The following UNC13B variants were observed in gnomAD, a reference collection of about 807,000 sequenced individuals.
The protein encoded by UNC13B is protein unc-13 homolog B.
A neutral mutation model predicts 211.0 loss-of-function variants in UNC13B; 144 were observed. The ratio of observed to expected loss-of-function variants is 0.68; its 90% confidence interval spans 0.60 to 0.78. The LOEUF (loss-of-function observed/expected upper bound fraction) is 0.78. Ranked by LOEUF, UNC13B falls within the 30% of genes least tolerant of loss-of-function variation. UNC13B has a pLI of 0.00. For synonymous variants in UNC13B, 709 were observed against 725.8 expected (o/e 0.98, Z 0.37); for missense variants, 1,777 against 2,002.0 (o/e 0.89, Z 2.14).
At chr9:35,313,377 C>T (rs1830278890) in intron 10 of UNC13B, among the ~76,000 whole-genome samples, 2 of 152,114 alleles carry the variant, frequency 1.3e-5, no homozygotes, top group Non-Finnish European at 2.9e-5. Context: ...GTAATCCCAG[C>T]ACTTTGGGAG....
At chr9:35,247,819 T>C (rs1467479009) in intron 6 of UNC13B, among the ~76,000 whole-genome samples, 1 of 152,204 alleles carries the variant, frequency 6.6e-6, no homozygotes, top group Non-Finnish European at 1.5e-5. Flanking sequence ...AATTCTCTCT[T>C]TTTGTTGTGT....
Position 35,340,952 on chromosome 9 carries a change from G to C in UNC13B, c.9415-25995G>C, listed in dbSNP as rs574203070. The stretch of plus-strand genomic sequence containing the variant: ...CAACTTGAGTGTTCTTTGAAGATAA[G>C]GACATTCAATTTCCCAGTGAGTCCT... On this transcript the variant is annotated intron_variant, in intron 11 of 39. Coordinates refer to ENST00000635942, the MANE Select transcript of UNC13B (RefSeq NM_001371189.2). 2.9e-4 allele frequency among the ~76,000 whole-genome samples: 44 copies of C among 152,264 alleles called. 1 individual carries two copies. The South Asian group carries it at 6.6e-3, about 23-fold the overall frequency.
At position 35,403,761 on chromosome 9, in the gene UNC13B, G is replaced by A. The variant is rs779790361; in HGVS notation, c.12751G>A (p.Glu4251Lys). 5.6e-5 allele frequency: 91 copies of A among 1,614,022 alleles called. No homozygotes were observed. In the Middle Eastern group the frequency reaches 1.3e-3, roughly 23 times the overall value. The change falls in exon 40 of 40, where the codon GAG becomes AAG. Residue 4251 changes from glutamate to lysine, a missense_variant. By Grantham distance (56) the Glu-to-Lys change is moderately conservative. Transcript: ENST00000635942. The part of the protein sequence containing the change: ...NETFHFLLGN[E>K]EGPESYELQI... ...TTGTGCTCACAGCCTCCTGGGAAATGAGGAGGGGCCCGAGTCCTATGAGTT... is the reference window on the plus strand; with the variant it reads ...TTGTGCTCACAGCCTCCTGGGAAATAAGGAGGGGCCCGAGTCCTATGAGTT...
intron 37 of UNC13B, among the ~76,000 whole-genome samples, chr9:35,402,499 G>A (rs766639190): frequency 1.3e-5 from 2 of 151,918 alleles, no homozygotes; most frequent in Non-Finnish European, 2.9e-5. Flanking sequence ...AGCCAGGATG[G>A]TCTCAATCTC....
At chr9:35,330,153 G>A (rs1293292259) in intron 11 of UNC13B, among the ~76,000 whole-genome samples, 3 of 152,208 alleles carry the variant, frequency 2.0e-5, no homozygotes, top group Non-Finnish European at 4.4e-5. Flanking sequence ...TAGGGATAGC[G>A]ACTTGTTCTC....
intron 11 of UNC13B, among the ~76,000 whole-genome samples, chr9:35,348,418 CCTT>C (rs1274844959): frequency 6.6e-6 from 1 of 152,210 alleles, no homozygotes; most frequent in African/African-American, 2.4e-5. Context: ...ATTTACTCCT[CCTT>C]CTCCTTACCT....
At chr9:35,244,716 T>G (rs551557477) in intron 6 of UNC13B, among the ~76,000 whole-genome samples, 1 of 152,310 alleles carries the variant, frequency 6.6e-6, no homozygotes, top group South Asian at 2.1e-4. Flanking sequence ...CCATTTTTCT[T>G]GTAAGAACAA....
chr9:35,398,631 G>A lies in UNC13B; in HGVS notation c.11910G>A (p.Val3970=), dbSNP rs1230485532. 1 of 1,613,886 alleles carries A rather than the reference G, an allele frequency of 6.2e-7. No individual in the cohort carries two copies. The highest frequency in any genetic ancestry group is 2.2e-5 in the East Asian group (1 of 44,894). Residue 3970 remains valine (V), a synonymous_variant, in exon 32 of 40, where the codon GTG becomes GTA. Coordinates refer to ENST00000635942, the MANE Select transcript of UNC13B (RefSeq NM_001371189.2). The part of the protein sequence containing the change: ...LNTVLDELSM[V]FGNSFQVRID... ...CGGTTCTGGATGAGCTCAGCATGGT[G>A]TTTGGAAACAGGTCAGTGACCCCAC...
chr9:35,353,795 G>A, intron 11 of UNC13B: 1 of 1,231,936 alleles, frequency 8.1e-7, no homozygotes, highest in Non-Finnish European at 1.0e-6. Context: ...TCTCTCAGTA[G>A]AAGACATACA....
chr9:35,162,092 C>A lies in UNC13B; in HGVS notation c.-192C>A, dbSNP rs1012299508. 6 of 812,572 alleles carry A rather than the reference C, an allele frequency of 7.4e-6. No homozygotes were observed. In the African/African-American group the frequency reaches 8.8e-5, roughly 12 times the overall value. The allele number at this position is 812,572 out of a possible 1,614,324, so 50.3% of individuals were successfully genotyped here. ...CCTGCCGGCCGGTACTCACCGCTAC[C>A]CGGAGTTCGCTCAGACGGTGAGATT... On this transcript the variant is annotated 5_prime_UTR_variant, in exon 1 of 40. Coordinates refer to ENST00000635942, the MANE Select transcript of UNC13B (RefSeq NM_001371189.2).
chr9:35,388,566 T>C (rs1231012578), intron 24 of UNC13B, among the ~76,000 whole-genome samples: 1 of 152,226 alleles, frequency 6.6e-6, no homozygotes, highest in East Asian at 1.9e-4. Context: ...TGCCCTTCAC[T>C]CTCCTCATCT....
chr9:35,201,833 T>G (rs1485176277), intron 1 of UNC13B, among the ~76,000 whole-genome samples: 1 of 152,192 alleles, frequency 6.6e-6, no homozygotes, highest in Non-Finnish European at 1.5e-5. Context: ...TGTGTCTCTA[T>G]CTCCTTCAGT....
chr9:35,322,775 A>G (rs1005055472), intron 11 of UNC13B, among the ~76,000 whole-genome samples: 3 of 152,004 alleles, frequency 2.0e-5, no homozygotes, highest in Non-Finnish European at 2.9e-5. Context: ...GCACCAGGGA[A>G]ATACTCTTTC....
Position 35,386,245 on chromosome 9 carries a change from A to G in UNC13B, c.11046A>G (p.Glu3682=). The G allele has an allele frequency of 6.2e-7, 1 of 1,614,126 alleles. No individual in the cohort carries two copies. ...CVKACLNSTY[E]YIFNNCHDLY... ...AGGCCTGTTTGAACTCCACATATGA[A>G]TATATCTTCAACAACTGCCACGACT... Residue 3682 remains glutamate, a synonymous_variant, in exon 24 of 40, where the codon GAA becomes GAG. Transcript: ENST00000635942.
chr9:35,314,598 A>G (rs1830350517), intron 11 of UNC13B, among the ~76,000 whole-genome samples: 1 of 152,002 alleles, frequency 6.6e-6, no homozygotes, highest in African/African-American at 2.4e-5. Flanking sequence ...TGATACATGG[A>G]TATGTTGCAT....
At chr9:35,389,594 A>C (rs1835398834) in intron 24 of UNC13B, among the ~76,000 whole-genome samples, 1 of 152,106 alleles carries the variant, frequency 6.6e-6, no homozygotes, top group Non-Finnish European at 1.5e-5. Flanking sequence ...GGGCATCCTT[A>C]TGTCTCTTGG....
At chr9:35,379,733 G>A (rs1834691310) in intron 17 of UNC13B, among the ~76,000 whole-genome samples, 1 of 152,114 alleles carries the variant, frequency 6.6e-6, no homozygotes, top group African/African-American at 2.4e-5. Flanking sequence ...TTGTTGATTT[G>A]TCTATTATCT....
chr9:35,294,789 A>AC lies in UNC13B; in HGVS notation c.527-907_527-906insC, dbSNP rs1242505510. On this transcript the variant is annotated intron_variant, in intron 7 of 39. Coordinates refer to ENST00000635942, the MANE Select transcript of UNC13B (RefSeq NM_001371189.2). ...GTGTCAGATACGACTTCCTCTCTGT[A>AC]AAACAGGCTTCAAAGCACTCTTAGG... Among the ~76,000 whole-genome samples, 2 of 152,200 alleles carry AC rather than the reference A, an allele frequency of 1.3e-5. 1 individual carries two copies. The highest frequency in any genetic ancestry group is 4.8e-5 in the African/African-American group (2 of 41,440).
rs1829876962 is a variant in UNC13B, at chr9:35,305,414, G to A, written c.6010G>A (p.Val2004Ile). Residue 2004 changes from valine (V) to isoleucine (I), a missense_variant, in exon 9 of 40, where the codon GTT becomes ATT. Physicochemically the swap from Val to Ile is conservative, Grantham distance 29 (BLOSUM62 3). Transcript: ENST00000635942. ...SPIQTTENTS[V>I]SSMTIKDEVR... ...TATACAGACAACTGAAAATACGTCT[G>A]TTTCTTCAATGACTATTAAGGATGA... 2.5e-6 allele frequency: 1 copy of A among 398,852 alleles called. No individual in the cohort carries two copies. Among genetic ancestry groups the A allele is most frequent in the South Asian group, 1.3e-4 (1 of 7,864 alleles). 24.7% of individuals were successfully genotyped at this position (398,852 alleles called of 1,614,324 possible).
Sources: allele counts gnomAD v4.1 joint callset (sites outside exome capture counted in the v4.1 genomes callset), GRCh38; gene constraint gnomAD v4.1.1; transcripts MANE v1.5; gene names NCBI Gene and HGNC (gene_info 2026-07-23, HGNC 2026-07-21).